FBRSL1: variants seen among roughly 807,000 people sequenced by gnomAD.
FBRSL1 encodes the protein fibrosin like 1.
Under a neutral mutation model 89.6 loss-of-function variants are expected in FBRSL1, and 51 were observed. That is an observed-to-expected ratio of 0.57 (90% confidence interval 0.45 to 0.72). The LOEUF is 0.72. Among genes scored for constraint, FBRSL1 ranks in the 30% least tolerant of loss-of-function variants. The probability of loss-of-function intolerance (pLI) is 0.00; values close to 1 mark genes in which losing one functional copy is unlikely to be tolerated. For missense variants in FBRSL1, 1,618 were observed against 1,451.8 expected (o/e 1.11, Z -1.86); for synonymous variants, 779 against 681.1 (o/e 1.14, Z -2.24).
chr12:132,568,435 G>A (rs1258996049), intron 6 of FBRSL1, among the ~76,000 whole-genome samples: 2 of 152,268 alleles, frequency 1.3e-5, no homozygotes, highest in African/African-American at 4.8e-5. Context: ...AGATGGGGTG[G>A]TGTCAGAAGG....
rs533718628 is a variant in FBRSL1 at position 132,581,250 on chromosome 12, C to T, written c.1835-189C>T. ...GCTGCCACTGCGGCTCCAAGTCAAA[C>T]CTCCTCCGAATTGTGGGGTAGATTC... is the stretch of plus-strand genomic sequence containing the variant. On this transcript the variant is annotated intron_variant, in intron 15 of 18. Coordinates refer to ENST00000680143, the MANE Select transcript of FBRSL1 (RefSeq NM_001367871.1). 7.0e-5 allele frequency: 51 copies of T among 730,232 alleles called. No individual in the cohort carries two copies. The South Asian group carries it at 3.2e-3, about 46-fold the overall frequency. 45.2% of individuals were successfully genotyped at this position (730,232 alleles called of 1,614,324 possible).
intron 2 of FBRSL1, among the ~76,000 whole-genome samples, chr12:132,517,814 C>T (rs1566129978): frequency 6.6e-6 from 1 of 152,002 alleles, no homozygotes; most frequent in Admixed American, 6.5e-5. Flanking sequence ...TTTACAAACT[C>T]GTGGGGGAGG....
In FBRSL1 at chr12:132,583,247, C is replaced by G; in HGVS notation, c.2478C>G (p.Pro826=). 7.4e-7 allele frequency: 1 copy of G among 1,356,198 alleles called. No individual in the cohort carries two copies. Among genetic ancestry groups the G allele is most frequent in the Non-Finnish European group, 9.5e-7 (1 of 1,054,198 alleles). The allele number at this position is 1,356,198 out of a possible 1,614,324, so 84.0% of individuals were successfully genotyped here. The change falls in exon 19 of 19, where the codon CCC becomes CCG. Residue 826 remains proline, a synonymous_variant. Transcript: ENST00000680143. ...EERGEDEASE[P]PAGGLHPAPL... Reference sequence around the variant, plus strand: ...GCGGGGAGGACGAGGCCTCCGAGCCCCCGGCGGGCGGCCTGCACCCCGCGC... The same window carrying G: ...GCGGGGAGGACGAGGCCTCCGAGCCGCCGGCGGGCGGCCTGCACCCCGCGC...
chr12:132,572,249 G>A lies in FBRSL1; in HGVS notation c.1378-39G>A, dbSNP rs565851762. The A allele has an allele frequency of 3.1e-5, 47 of 1,540,698 alleles. No homozygotes were observed. The East Asian group carries it at 3.4e-4, about 11-fold the overall frequency. On this transcript the variant is annotated intron_variant, in intron 9 of 18. Coordinates refer to ENST00000680143, the MANE Select transcript of FBRSL1 (RefSeq NM_001367871.1). ...GGGCCCGGGGCCCAGCAACGGTGTCGTGTGTGCGGGGCCTCACCCTCCTCT... is the reference window on the plus strand; with the variant it reads ...GGGCCCGGGGCCCAGCAACGGTGTCATGTGTGCGGGGCCTCACCCTCCTCT...
In FBRSL1 at chr12:132,491,331, C is replaced by T. The variant is rs534597285; in HGVS notation, c.291+470C>T. 8.5e-5 allele frequency among the ~76,000 whole-genome samples: 13 copies of T among 152,360 alleles called. No homozygotes were observed. The South Asian group carries it at 1.5e-3, about 17-fold the overall frequency. On this transcript the variant is annotated intron_variant, in intron 1 of 18. Coordinates refer to ENST00000680143, the MANE Select transcript of FBRSL1 (RefSeq NM_001367871.1). ...GAGAAGGAGGGTTAATCTCAAGACC[C>T]CTCTTGGTGACTGCTGCCTGCTGCA...
In FBRSL1 at chr12:132,564,731, G is replaced by A. The variant is rs557030607; in HGVS notation, c.646-2750G>A. 2.3e-5 allele frequency among the ~76,000 whole-genome samples: 2 copies of A among 87,932 alleles called. 1 individual carries two copies. The highest frequency in any genetic ancestry group is 4.0e-5 in the Non-Finnish European group (2 of 49,646). 57.7% of individuals were successfully genotyped at this position (87,932 alleles called of 152,430 possible). Reference sequence around the variant, plus strand: ...AGGATGGTCTCGATCTCCTGACCTCGTGATCCGCCCTCCTCGGCCTCCCGA... The same window carrying A: ...AGGATGGTCTCGATCTCCTGACCTCATGATCCGCCCTCCTCGGCCTCCCGA... On this transcript the variant is annotated intron_variant, in intron 5 of 18. Transcript: ENST00000680143.
intron 4 of FBRSL1, among the ~76,000 whole-genome samples, chr12:132,547,071 A>G (rs2037749422): frequency 6.6e-6 from 1 of 152,140 alleles, no homozygotes. Context: ...AGTTGCCAGG[A>G]GGGGATTTTT....
intron 1 of FBRSL1, among the ~76,000 whole-genome samples, chr12:132,496,236 G>A (rs754485009): frequency 2.0e-5 from 3 of 152,192 alleles, no homozygotes; most frequent in Non-Finnish European, 4.4e-5. Flanking sequence ...TCCCCACTAG[G>A]CTCTCGTGCC....
rs923208630 is a variant in FBRSL1, at chr12:132,527,402, AG to A, written c.580-547del. Among the ~76,000 whole-genome samples the A allele has an allele frequency of 5.3e-5, 8 of 152,304 alleles. 1 individual carries two copies. The highest frequency in any genetic ancestry group is 5.2e-4 in the Admixed American group (8 of 15,304). ...CGGGTTTGGATCCCAGAGCTGCTGC[AG>A]GGGAGCCTCAGACTGGCTGGGCCCC... On this transcript the variant is annotated intron_variant, in intron 3 of 18. Coordinates refer to ENST00000680143, the MANE Select transcript of FBRSL1 (RefSeq NM_001367871.1).
rs914400192 is a variant in FBRSL1 at position 132,572,266 on chromosome 12, C to T, written c.1378-22C>T. ...ACGGTGTCGTGTGTGCGGGGCCTCA[C>T]CCTCCTCTCCTTCCCTTCCAGTTTG... is the stretch of plus-strand genomic sequence containing the variant. On this transcript the variant is annotated intron_variant, in intron 9 of 18. Transcript: ENST00000680143. 9 of 1,545,428 alleles carry T rather than the reference C, an allele frequency of 5.8e-6. No homozygotes were observed. In the South Asian group the frequency reaches 7.1e-5, roughly 12 times the overall value.
chr12:132,535,920 GGT>G (rs896067045), intron 4 of FBRSL1, among the ~76,000 whole-genome samples: 3 of 149,598 alleles, frequency 2.0e-5, no homozygotes, highest in Non-Finnish European at 4.4e-5. Context: ...TGTCCATGAT[GGT>G]GTGTGTGAGT....
In FBRSL1 at chr12:132,582,054, GC is replaced by G; in HGVS notation, c.1997-3del. On this transcript the variant is annotated splice_polypyrimidine_tract_variant and splice_region_variant and intron_variant, in intron 17 of 18. Coordinates refer to ENST00000680143, the MANE Select transcript of FBRSL1 (RefSeq NM_001367871.1). ...CCCAACCTCATGCTCCCCGGCCTCT[GC>G]CCCCAGCTCCCGGTGGCAGCATCTT... is the stretch of plus-strand genomic sequence containing the variant. 1 of 1,542,692 alleles carries G rather than the reference GC, an allele frequency of 6.5e-7. No homozygotes were observed. Among genetic ancestry groups the G allele is most frequent in the East Asian group, 2.5e-5 (1 of 40,808 alleles).
intron 5 of FBRSL1, chr12:132,554,522 T>C (rs957743237): frequency 5.3e-5 from 8 of 152,256 alleles, no homozygotes; most frequent in African/African-American, 1.9e-4. Context: ...TTTTCTAAAA[T>C]GTGCAATTGG....
At chr12:132,575,378 T>C (rs2040318321) in intron 14 of FBRSL1, among the ~76,000 whole-genome samples, 1 of 152,188 alleles carries the variant, frequency 6.6e-6, no homozygotes, top group African/African-American at 2.4e-5. Context: ...CAGGCGACCG[T>C]CACCACACCC....
At chr12:132,529,399 G>A (rs977505300) in intron 4 of FBRSL1, among the ~76,000 whole-genome samples, 1 of 152,186 alleles carries the variant, frequency 6.6e-6, no homozygotes, top group Admixed American at 6.5e-5. Context: ...CCTGGACCCA[G>A]CCTCATGGGC....
In FBRSL1 at chr12:132,564,738, G is replaced by A. The variant is rs759717716; in HGVS notation, c.646-2743G>A. Among the ~76,000 whole-genome samples, 22 of 67,320 alleles carry A rather than the reference G, an allele frequency of 3.3e-4. 7 individuals carry two copies. The highest frequency in any genetic ancestry group is 1.5e-3 in the East Asian group (1 of 658). The allele number at this position is 67,320 out of a possible 152,430, so 44.2% of individuals were successfully genotyped here. ...TCTCGATCTCCTGACCTCGTGATCCGCCCTCCTCGGCCTCCCGAGTAGCTG... is the reference window on the plus strand; with the variant it reads ...TCTCGATCTCCTGACCTCGTGATCCACCCTCCTCGGCCTCCCGAGTAGCTG... On this transcript the variant is annotated intron_variant, in intron 5 of 18. Transcript: ENST00000680143.
At chr12:132,538,245 C>T (rs1366982389) in intron 4 of FBRSL1, among the ~76,000 whole-genome samples, 7 of 152,222 alleles carry the variant, frequency 4.6e-5, no homozygotes, top group African/African-American at 1.7e-4. Flanking sequence ...GCCCCACGTT[C>T]TCGCCGACGC....
rs113875464 is a variant in FBRSL1 at position 132,497,867 on chromosome 12, G to A, written c.291+7006G>A. Among the ~76,000 whole-genome samples, 565 of 152,340 alleles carry A rather than the reference G, an allele frequency of 3.7e-3. 6 individuals carry two copies. Among genetic ancestry groups the A allele is most frequent in the African/African-American group, 0.013 (523 of 41,582 alleles). Reference sequence around the variant, plus strand: ...CCCAGGTCCCTGAGGGAGGGCCAGGGCTTGTGGCGTGCGATGTGTGTGTTT... The same window carrying A: ...CCCAGGTCCCTGAGGGAGGGCCAGGACTTGTGGCGTGCGATGTGTGTGTTT... On this transcript the variant is annotated intron_variant, in intron 1 of 18. Transcript: ENST00000680143.
chr12:132,572,744 C>T (rs542905562), intron 11 of FBRSL1, 122 bp downstream of exon 11: 13 of 737,072 alleles, frequency 1.8e-5, no homozygotes, highest in Middle Eastern at 3.7e-4. Flanking sequence ...TTGTACCTGT[C>T]GTCATCTGGG....
Sources: allele counts gnomAD v4.1 joint callset (sites outside exome capture counted in the v4.1 genomes callset), GRCh38; gene constraint gnomAD v4.1.1; transcripts MANE v1.5; gene names NCBI Gene and HGNC (gene_info 2026-07-23, HGNC 2026-07-21).